Variants in STAU2 observed in about 807,000 individuals in gnomAD.
The protein encoded by STAU2 is double-stranded RNA-binding protein Staufen homolog 2.
In STAU2, 20 loss-of-function variants were observed where a neutral mutation model predicts 65.9. That is an observed-to-expected ratio of 0.30 (90% CI 0.21 to 0.44). The LOEUF is 0.44. Ranked by LOEUF, STAU2 falls within the 20% of genes least tolerant of loss-of-function variation. The pLI is 1.00. For synonymous variants in STAU2, 232 were observed against 233.9 expected (o/e 0.99, Z 0.07); for missense variants, 558 against 683.9 (o/e 0.82, Z 2.05).
chr8:73,736,718 T>C (rs1015210921), intron 3 of STAU2, among the ~76,000 whole-genome samples: 1 of 152,106 alleles, frequency 6.6e-6, no homozygotes, highest in Non-Finnish European at 1.5e-5. Flanking sequence ...AGGTGGTAAA[T>C]GCTACATGAG....
chr8:73,542,055 A>G (rs1806579397), intron 13 of STAU2, among the ~76,000 whole-genome samples: 1 of 148,620 alleles, frequency 6.7e-6, no homozygotes, highest in African/African-American at 2.5e-5. Flanking sequence ...AAAATGGTTA[A>G]TAAAAAACAC....
chr8:73,544,507 T>A (rs1806766286), intron 13 of STAU2, among the ~76,000 whole-genome samples: 2 of 152,222 alleles, frequency 1.3e-5, no homozygotes, highest in Non-Finnish European at 2.9e-5. Flanking sequence ...CACTTCCACT[T>A]TAAATTATTT....
At chr8:73,584,070 C>G (rs912353658) in intron 11 of STAU2, among the ~76,000 whole-genome samples, 2 of 152,118 alleles carry the variant, frequency 1.3e-5, no homozygotes, top group African/African-American at 4.8e-5. Context: ...TTTAATCATA[C>G]ATCTTAGGGT....
At chr8:73,468,512 A>G (rs952425147) in intron 13 of STAU2, among the ~76,000 whole-genome samples, 1 of 152,224 alleles carries the variant, frequency 6.6e-6, no homozygotes, top group African/African-American at 2.4e-5. Context: ...ATCAGAGTGA[A>G]CAGGCAACCT....
intron 6 of STAU2, among the ~76,000 whole-genome samples, chr8:73,649,516 C>T (rs536613611): frequency 2.0e-5 from 3 of 152,132 alleles, no homozygotes; most frequent in African/African-American, 4.8e-5. Flanking sequence ...ATAATACCAG[C>T]CCCCACTCTG....
intron 9 of STAU2, among the ~76,000 whole-genome samples, chr8:73,607,968 T>C (rs1410312191): frequency 6.6e-6 from 1 of 152,180 alleles, no homozygotes; most frequent in African/African-American, 2.4e-5. Context: ...AGAGCCACTA[T>C]GCAGTCTTAG....
Position 73,678,226 on chromosome 8 carries a change from T to C in STAU2, c.275-4984A>G, listed in dbSNP as rs544486120. On this transcript the variant is annotated intron_variant, in intron 5 of 14. Transcript: ENST00000524300. The stretch of plus-strand genomic sequence containing the variant: ...CTTTAAATGCATCATGCACTGCTCA[T>C]GAATATTAATTCCTCCCAGCTACGT... Among the ~76,000 whole-genome samples the C allele has an allele frequency of 3.3e-5, 5 of 152,332 alleles. No individual in the cohort carries two copies. The East Asian group carries it at 9.6e-4, about 29-fold the overall frequency.
At chr8:73,675,662 A>C (rs1817987434) in intron 5 of STAU2, 1 of 152,164 alleles carries the variant, frequency 6.6e-6, no homozygotes, top group South Asian at 2.1e-4. Flanking sequence ...GCATTCTAAA[A>C]ACTCTGTGGT....
intron 6 of STAU2, among the ~76,000 whole-genome samples, chr8:73,620,460 A>G (rs1489110998): frequency 6.6e-6 from 1 of 152,212 alleles, no homozygotes; most frequent in Non-Finnish European, 1.5e-5. Flanking sequence ...TTTGCCACAG[A>G]GACAAACAAA....
intron 4 of STAU2, among the ~76,000 whole-genome samples, chr8:73,698,923 T>TAAAAAAA (rs34819729): frequency 2.3e-5 from 3 of 129,096 alleles, no homozygotes; most frequent in African/African-American, 5.9e-5. Flanking sequence ...CTTAAAACAT[T>TAAAAAAA]AAAAAAAAAA....
intron 12 of STAU2, among the ~76,000 whole-genome samples, chr8:73,582,535 C>T (rs1224034206): frequency 4.0e-5 from 6 of 151,678 alleles, no homozygotes; most frequent in African/African-American, 1.5e-4. Context: ...GTGATCACTA[C>T]ATGTATTAAA....
intron 10 of STAU2, among the ~76,000 whole-genome samples, chr8:73,596,380 G>A (rs1008542663): frequency 3.9e-5 from 6 of 152,094 alleles, no homozygotes; most frequent in Admixed American, 2.0e-4. Flanking sequence ...TCTTCTGTGA[G>A]CAATTTATAC....
chr8:73,653,090 A>T (rs963449424), intron 6 of STAU2: 10 of 152,206 alleles, frequency 6.6e-5, no homozygotes, highest in Admixed American at 6.5e-4. Flanking sequence ...GAAAGGAGCA[A>T]GCAATATGCA....
chr8:73,445,445 A>G, intron 13 of STAU2, among the ~76,000 whole-genome samples: 1 of 152,376 alleles, frequency 6.6e-6, no homozygotes. Context: ...AAAATTACAA[A>G]ACAAAAAACA....
chr8:73,448,392 T>TC (rs1818595815), intron 13 of STAU2, among the ~76,000 whole-genome samples: 1 of 152,156 alleles, frequency 6.6e-6, no homozygotes, highest in Non-Finnish European at 1.5e-5. Context: ...CAAGCAATTA[T>TC]CTGCCTCAGC....
rs577431755 is a variant in STAU2, at chr8:73,581,145, T to TA, written c.1222+1624dup. Among the ~76,000 whole-genome samples, 587 of 151,010 alleles carry TA rather than the reference T, an allele frequency of 3.9e-3. 1 individual carries two copies. The highest frequency in any genetic ancestry group is 0.021 in the South Asian group (100 of 4,758). ...CCATGAGATGTATCCCTTAGCAAGT[T>TA]AAAAAAAAACAAACACATAAAGCTA... is the stretch of plus-strand genomic sequence containing the variant. On this transcript the variant is annotated intron_variant, in intron 12 of 14. Coordinates refer to ENST00000524300, the MANE Select transcript of STAU2 (RefSeq NM_001164380.2).
intron 7 of STAU2, 150 bp downstream of exon 7, chr8:73,617,142 C>T: frequency 3.2e-6 from 3 of 931,506 alleles, no homozygotes; most frequent in South Asian, 2.5e-5. Context: ...AGGTAGTCAC[C>T]CTGCAGGAAC....
intron 6 of STAU2, among the ~76,000 whole-genome samples, chr8:73,659,413 T>C (rs1461694682): frequency 6.6e-6 from 1 of 152,130 alleles, no homozygotes; most frequent in Non-Finnish European, 1.5e-5. Flanking sequence ...GGCACATGCC[T>C]GTTGTCCCAG....
At chr8:73,693,372 G>C (rs907771584) in intron 4 of STAU2, among the ~76,000 whole-genome samples, 11 of 151,772 alleles carry the variant, frequency 7.2e-5, no homozygotes, top group African/African-American at 2.2e-4. Flanking sequence ...CTACTCGGGA[G>C]GCTGAGGCAG....
Sources: allele counts gnomAD v4.1 joint callset (sites outside exome capture counted in the v4.1 genomes callset), GRCh38; gene constraint gnomAD v4.1.1; transcripts MANE v1.5; gene names NCBI Gene and HGNC (gene_info 2026-07-23, HGNC 2026-07-21).